The following NOS1AP variants were observed in gnomAD, a reference collection of about 807,000 sequenced individuals.
The protein encoded by NOS1AP is nitric oxide synthase 1 adaptor protein, also known as carboxyl-terminal PDZ ligand of neuronal nitric oxide synthase protein.
Under a neutral mutation model 56.2 loss-of-function variants are expected in NOS1AP, and 21 were observed. That is an observed-to-expected ratio of 0.37 (90% CI 0.26 to 0.54). The LOEUF (loss-of-function observed/expected upper bound fraction) is 0.54. Ranked by LOEUF, NOS1AP falls within the 20% of genes least tolerant of loss-of-function variation. The pLI, the probability that NOS1AP is intolerant of heterozygous loss-of-function variation, is 0.84. For synonymous variants in NOS1AP, 270 were observed against 274.6 expected (o/e 0.98, Z 0.17); for missense variants, 522 against 657.8 (o/e 0.79, Z 2.26).
chr1:162,306,892 G>A, intron 4 of NOS1AP, among the ~76,000 whole-genome samples: 1 of 151,914 alleles, frequency 6.6e-6, no homozygotes, highest in East Asian at 1.9e-4. Flanking sequence ...AGCCAAGCCT[G>A]GGCAGCAGAG....
Position 162,188,213 on chromosome 1 carries a change from A to G in NOS1AP, c.177+33737A>G, listed in dbSNP as rs1651504458. Among the ~76,000 whole-genome samples, 1 of 152,356 alleles carries G rather than the reference A, an allele frequency of 6.6e-6. No homozygotes were observed. The highest frequency in any genetic ancestry group is 1.9e-4 in the East Asian group (1 of 5,190). ...GGTCAAATGGCATGCTGGAGTTTTT[A>G]GATGAAAGATGCTATTTTGTATAAG... On this transcript the variant is annotated intron_variant, in intron 2 of 9. Coordinates refer to ENST00000361897, the MANE Select transcript of NOS1AP (RefSeq NM_014697.3). This position sits in a 1 kb window ranked among gnomAD's most constrained non-coding sequence, Gnocchi z 4.0.
intron 3 of NOS1AP, among the ~76,000 whole-genome samples, chr1:162,296,980 G>T (rs1430604769): frequency 7.2e-5 from 11 of 152,266 alleles, no homozygotes; most frequent in Admixed American, 2.0e-4. Flanking sequence ...GGTAGAGTTG[G>T]GTCTTTTTAC....
intron 6 of NOS1AP, among the ~76,000 whole-genome samples, chr1:162,349,383 C>T (rs1400762929): frequency 6.6e-6 from 1 of 152,120 alleles, no homozygotes; most frequent in Non-Finnish European, 1.5e-5. Context: ...CCAGTTGACA[C>T]ATAAAATTAA....
intron 2 of NOS1AP, among the ~76,000 whole-genome samples, chr1:162,169,536 C>T (rs1362462038): frequency 6.6e-6 from 1 of 152,168 alleles, no homozygotes; most frequent in Non-Finnish European, 1.5e-5. Context: ...TTTAAGAATC[C>T]AGTACCCTTG....
At chr1:162,285,171 T>C (rs1337484757) in intron 2 of NOS1AP, among the ~76,000 whole-genome samples, 3 of 152,190 alleles carry the variant, frequency 2.0e-5, no homozygotes, top group Non-Finnish European at 2.9e-5. Context: ...CTCTTCAGCC[T>C]TTAACTTCCA....
intron 4 of NOS1AP, among the ~76,000 whole-genome samples, chr1:162,321,959 C>T (rs1040018746): frequency 2.0e-5 from 3 of 152,060 alleles, no homozygotes; most frequent in Non-Finnish European, 4.4e-5. Context: ...GTTGGTGCTG[C>T]GTGCACTGTT....
At chr1:162,337,869 CA>C (rs1571228255) in intron 5 of NOS1AP, among the ~76,000 whole-genome samples, 1 of 152,150 alleles carries the variant, frequency 6.6e-6, no homozygotes, top group Admixed American at 6.5e-5. Context: ...ATGTGTTGGA[CA>C]AAAACCTAAC....
intron 4 of NOS1AP, among the ~76,000 whole-genome samples, chr1:162,321,731 A>AATATAT (rs66879950): frequency 2.3e-3 from 292 of 128,474 alleles, no homozygotes; most frequent in African/African-American, 2.8e-3. Flanking sequence ...AAAAAAAAAA[A>AATATAT]ATATATATAT....
intron 9 of NOS1AP, among the ~76,000 whole-genome samples, chr1:162,366,550 C>A (rs965715028): frequency 1.3e-5 from 2 of 152,106 alleles, no homozygotes; most frequent in African/African-American, 4.8e-5. Flanking sequence ...GATCCTACAT[C>A]GTTCTGTCTA....
At chr1:162,239,043 T>C (rs759862228) in intron 2 of NOS1AP, among the ~76,000 whole-genome samples, 17 of 152,236 alleles carry the variant, frequency 1.1e-4, no homozygotes, top group Non-Finnish European at 2.4e-4. Flanking sequence ...TAAACATACA[T>C]TTATATATCT....
At chr1:162,274,223 G>A (rs1306342106) in intron 2 of NOS1AP, among the ~76,000 whole-genome samples, 2 of 152,176 alleles carry the variant, frequency 1.3e-5, no homozygotes, top group Non-Finnish European at 2.9e-5. Flanking sequence ...GGTGTTTGGC[G>A]TCTGTTGTGC....
intron 4 of NOS1AP, among the ~76,000 whole-genome samples, chr1:162,308,790 C>A (rs1278356013): frequency 6.6e-6 from 1 of 152,180 alleles, no homozygotes; most frequent in Non-Finnish European, 1.5e-5. Flanking sequence ...AGGACACAGT[C>A]CTACCCTCAA....
chr1:162,175,923 A>G (rs191695288), intron 2 of NOS1AP, among the ~76,000 whole-genome samples: 4 of 152,310 alleles, frequency 2.6e-5, no homozygotes, highest in Admixed American at 2.6e-4. Context: ...GTACGCGTAC[A>G]GTAGTATCAG....
intron 2 of NOS1AP, among the ~76,000 whole-genome samples, chr1:162,268,651 A>T (rs1013367035): frequency 2.6e-5 from 4 of 152,250 alleles, no homozygotes; most frequent in African/African-American, 9.6e-5. Flanking sequence ...AAACAGAGAT[A>T]GCAGGGGATT....
chr1:162,250,896 C>T (rs776593601), intron 2 of NOS1AP, among the ~76,000 whole-genome samples: 1 of 152,072 alleles, frequency 6.6e-6, no homozygotes, highest in Non-Finnish European at 1.5e-5. Context: ...ACCCTTCTGC[C>T]TCCTGCCTTG....
chr1:162,318,215 C>T (rs1186241711), intron 4 of NOS1AP, among the ~76,000 whole-genome samples: 2 of 152,184 alleles, frequency 1.3e-5, no homozygotes, highest in African/African-American at 4.8e-5. Context: ...GTTTTGCCAT[C>T]CTAAAAAGAA....
intron 3 of NOS1AP, among the ~76,000 whole-genome samples, chr1:162,297,034 G>A (rs796267588): frequency 2.6e-5 from 4 of 152,328 alleles, no homozygotes; most frequent in African/African-American, 9.6e-5. Flanking sequence ...GCCCCTTGCT[G>A]GCTCCCCATG....
intron 4 of NOS1AP, among the ~76,000 whole-genome samples, chr1:162,331,023 G>T (rs891455695): frequency 1.1e-4 from 17 of 152,232 alleles, no homozygotes; most frequent in African/African-American, 3.9e-4. Flanking sequence ...ATTCACTCGG[G>T]GGTATGAGGA....
intron 7 of NOS1AP, among the ~76,000 whole-genome samples, chr1:162,356,177 C>G (rs1452014749): frequency 6.6e-6 from 1 of 152,200 alleles, no homozygotes; most frequent in African/African-American, 2.4e-5. Flanking sequence ...AGCCCTGTGT[C>G]ACTGGGGGCC....
Sources: gnomAD v4.1 joint callset for allele counts (sites outside exome capture counted in the v4.1 genomes callset) on GRCh38, gnomAD v4.1.1 for gene constraint, Gnocchi (gnomAD v3.1) non-coding constraint, MANE v1.5 for transcripts, NCBI Gene and HGNC (gene_info 2026-07-23, HGNC 2026-07-21) for gene names.